Variants in ELOC observed in about 807,000 individuals in gnomAD.
ELOC encodes the protein elongin-C.
For missense variants in ELOC, 38 were observed against 139.0 expected, an observed-to-expected ratio of 0.27 and a Z score of 3.65; for synonymous variants, 40 against 51.3, an observed-to-expected ratio of 0.78 and a Z score of 0.94.
At chr8:73,962,492 C>T (rs751441883) in intron 1 of ELOC, among the ~76,000 whole-genome samples, 18 of 151,802 alleles carry the variant, frequency 1.2e-4, no homozygotes, top group Non-Finnish European at 1.9e-4. Context: ...TTTTATGATA[C>T]TACGCAATTT....
At chr8:73,970,816 TC>T (rs1240337845) in intron 1 of ELOC, among the ~76,000 whole-genome samples, 8 of 141,410 alleles carry the variant, frequency 5.7e-5, no homozygotes, top group African/African-American at 1.9e-4. Context: ...AGGTCAGGAG[TC>T]CAGCCTGACC....
chr8:73,945,816 G>C lies in ELOC; in HGVS notation c.*814C>G, dbSNP rs1283630288. The C allele has an allele frequency of 6.6e-6, 1 of 152,164 alleles. No homozygotes were observed. The highest frequency in any genetic ancestry group is 1.5e-5 in the Non-Finnish European group (1 of 68,022). The allele number at this position is 152,164 out of a possible 1,614,324, so 9.4% of individuals were successfully genotyped here. On this transcript the variant is annotated 3_prime_UTR_variant, in exon 4 of 4. Coordinates refer to ENST00000520242, the MANE Select transcript of ELOC (RefSeq NM_005648.4). Reference sequence around the variant, plus strand: ...TTTTAAGATCTGAATAAAGTTAATAGTGAGTCTTTTAAAATACATTTAAAC... The same window carrying C: ...TTTTAAGATCTGAATAAAGTTAATACTGAGTCTTTTAAAATACATTTAAAC...
intron 3 of ELOC, among the ~76,000 whole-genome samples, chr8:73,951,725 G>A (rs758076253): frequency 7.2e-5 from 11 of 152,048 alleles, no homozygotes; most frequent in Non-Finnish European, 1.2e-4. Flanking sequence ...ATCCCAAATA[G>A]CCCAAACAAT....
At chr8:73,956,307 C>T (rs1050818802) in intron 2 of ELOC, among the ~76,000 whole-genome samples, 2 of 152,114 alleles carry the variant, frequency 1.3e-5, no homozygotes, top group African/African-American at 2.4e-5. Flanking sequence ...ATCACTTGAA[C>T]CTCGGAGGTG....
chr8:73,954,240 T>C (rs774032081), intron 3 of ELOC, among the ~76,000 whole-genome samples: 2 of 152,160 alleles, frequency 1.3e-5, no homozygotes, highest in African/African-American at 4.8e-5. Flanking sequence ...TAATAAAATG[T>C]TTTGGAACTA....
intron 3 of ELOC, among the ~76,000 whole-genome samples, chr8:73,949,185 A>T (rs1813589132): frequency 6.6e-6 from 1 of 152,272 alleles, no homozygotes; most frequent in Admixed American, 6.5e-5. Flanking sequence ...TAAAATATAT[A>T]CAAAATGCCT....
chr8:73,957,775 A>C (rs4276685), intron 2 of ELOC, among the ~76,000 whole-genome samples: 72,710 of 151,514 alleles, frequency 0.48, 17,531 homozygotes, highest in Admixed American at 0.54. Flanking sequence ...CACCCACCCA[A>C]CTATTTGTTT....
chr8:73,961,490 A>G (rs1419697129), intron 1 of ELOC, among the ~76,000 whole-genome samples: 1 of 152,178 alleles, frequency 6.6e-6, no homozygotes, highest in African/African-American at 2.4e-5. Context: ...AGGCATGGAG[A>G]CAGATATTCA....
At chr8:73,959,862 A>G (rs879090158) in intron 1 of ELOC, 44 bp from the exon 2 acceptor site, 4 of 1,088,682 alleles carry the variant, frequency 3.7e-6, no homozygotes, top group South Asian at 3.8e-5. Context: ...GTTGCAAGAG[A>G]CAAGTTTTCA....
chr8:73,954,286 G>A (rs985800519), intron 3 of ELOC, among the ~76,000 whole-genome samples: 4 of 152,192 alleles, frequency 2.6e-5, no homozygotes, highest in African/African-American at 9.6e-5. Context: ...TGTGAATGCA[G>A]TAAACGCCAC....
intron 1 of ELOC, among the ~76,000 whole-genome samples, chr8:73,968,676 C>CTAAA (rs1815157322): frequency 6.6e-6 from 1 of 152,320 alleles, no homozygotes; most frequent in East Asian, 1.9e-4. Context: ...GTCCTTCCTA[C>CTAAA]TAAAGGTCAA....
chr8:73,971,252 A>G, intron 1 of ELOC, among the ~76,000 whole-genome samples: 1 of 151,560 alleles, frequency 6.6e-6, no homozygotes, highest in East Asian at 2.0e-4. Context: ...CTAATAATAG[A>G]TTAGTCAGGC....
At chr8:73,946,893 C>A in intron 3 of ELOC, 73 bp from the exon 4 acceptor site, 1 of 1,247,182 alleles carries the variant, frequency 8.0e-7, no homozygotes, top group South Asian at 1.5e-5. Flanking sequence ...AAGTCTTAAC[C>A]CCTTGTACCA....
intron 1 of ELOC, among the ~76,000 whole-genome samples, chr8:73,970,146 G>A (rs1233473221): frequency 3.9e-5 from 6 of 152,198 alleles, no homozygotes; most frequent in South Asian, 2.1e-4. Flanking sequence ...GGAGGCTGAG[G>A]CAGGTGGATG....
intron 3 of ELOC, among the ~76,000 whole-genome samples, chr8:73,951,689 G>C (rs553434082): frequency 6.9e-6 from 1 of 145,446 alleles, no homozygotes; most frequent in South Asian, 2.2e-4. Flanking sequence ...CAAAACAACA[G>C]ACAAAACCAG....
chr8:73,949,297 A>G (rs1270419447), intron 3 of ELOC, among the ~76,000 whole-genome samples: 1 of 152,228 alleles, frequency 6.6e-6, no homozygotes, highest in Non-Finnish European at 1.5e-5. Context: ...TGGTTTGCCA[A>G]TAACTAGAAC....
At chr8:73,964,127 T>TAG (rs1814804034) in intron 1 of ELOC, among the ~76,000 whole-genome samples, 1 of 140,888 alleles carries the variant, frequency 7.1e-6, no homozygotes, top group Non-Finnish European at 1.5e-5. Flanking sequence ...TTACATATAG[T>TAG]AGTGTGGATT....
chr8:73,948,565 G>C (rs1170386273), intron 3 of ELOC, among the ~76,000 whole-genome samples: 1 of 152,090 alleles, frequency 6.6e-6, no homozygotes. Flanking sequence ...GCAAGACTCC[G>C]TCTTAAAAGA....
intron 3 of ELOC, among the ~76,000 whole-genome samples, chr8:73,951,684 C>CAA (rs1198037025): frequency 2.1e-5 from 3 of 139,848 alleles, no homozygotes; most frequent in Non-Finnish European, 4.8e-5. Flanking sequence ...AACAACAAAA[C>CAA]AACAGACAAA....
Sources: allele counts gnomAD v4.1 joint callset (sites outside exome capture counted in the v4.1 genomes callset), GRCh38; gene constraint gnomAD v4.1.1; transcripts MANE v1.5; gene names NCBI Gene and HGNC (gene_info 2026-07-23, HGNC 2026-07-21).